Variants in TACC2 observed in about 807,000 individuals in gnomAD.
TACC2 encodes transforming acidic coiled-coil-containing protein 2.
Under a neutral mutation model 227.3 loss-of-function variants are expected in TACC2, and 137 were observed. That is an observed-to-expected ratio of 0.60 (90% CI 0.52 to 0.69). The LOEUF is 0.69. Ranked by LOEUF, TACC2 falls within the 30% of genes least tolerant of loss-of-function variation. The pLI is 0.00. For synonymous variants in TACC2, 1,523 were observed against 1,487.5 expected (o/e 1.02, Z -0.55); for missense variants, 3,470 against 3,694.4 (o/e 0.94, Z 1.57).
Position 122,087,397 on chromosome 10 carries a change from G to A in TACC2, c.4897G>A (p.Ala1633Thr), listed in dbSNP as rs1485324981. The change falls in exon 4 of 23, where the codon GCC (alanine) becomes ACC (threonine). Residue 1633 changes from alanine (A) to threonine (T), a missense_variant. Transcript: ENST00000369005. Reference sequence around the variant, plus strand: ...AGGACATGTGCCAAGGTCCACGTGTGCCCCTTCTCCTCAGAGGGAGGTTTT... The same window carrying A: ...AGGACATGTGCCAAGGTCCACGTGTACCCCTTCTCCTCAGAGGGAGGTTTT... ...VPGHVPRSTC[A>T]PSPQREVLTV... 6.2e-7 allele frequency: 1 copy of A among 1,614,024 alleles called. No individual in the cohort carries two copies. The highest frequency in any genetic ancestry group is 1.7e-5 in the Admixed American group (1 of 60,036).
Position 122,083,295 on chromosome 10 carries a change from C to G in TACC2, c.795C>G (p.Val265=). ...AGCAGGGCACAGAAAGCTCAGCGGT[C>G]TTGGAGAAGTCCCCCCTAAAACCCA... ...AAQQGTESSA[V]LEKSPLKPMA... The change falls in exon 4 of 23, where the codon GTC becomes GTG. Residue 265 remains valine, a synonymous_variant. Coordinates refer to ENST00000369005, the MANE Select transcript of TACC2 (RefSeq NM_206862.4). 1 of 1,613,966 alleles carries G rather than the reference C, an allele frequency of 6.2e-7. No homozygotes were observed. Among genetic ancestry groups the G allele is most frequent in the South Asian group, 1.1e-5 (1 of 91,072 alleles).
intron 7 of TACC2, chr10:122,163,626 C>A: frequency 9.7e-7 from 1 of 1,026,894 alleles, no homozygotes; most frequent in Non-Finnish European, 1.2e-6. Flanking sequence ...CGGACCACAC[C>A]GGCGCTCACG....
Position 122,243,887 on chromosome 10 carries a change from G to A in TACC2, c.8392+1886G>A, listed in dbSNP as rs369889849. Among the ~76,000 whole-genome samples, 14 of 152,296 alleles carry A rather than the reference G, an allele frequency of 9.2e-5. No individual in the cohort carries two copies. The East Asian group carries it at 1.9e-3, about 21-fold the overall frequency. ...AGGGTGTGAGCTTTTGCTCCTGAGA[G>A]AAAGCTACCCAAGCCATCTTTTATT... On this transcript the variant is annotated intron_variant, in intron 19 of 22. Transcript: ENST00000369005.
intron 9 of TACC2, among the ~76,000 whole-genome samples, chr10:122,211,957 A>G (rs1431751161): frequency 6.6e-6 from 1 of 152,180 alleles, no homozygotes; most frequent in Non-Finnish European, 1.5e-5. Flanking sequence ...TAATAAATCA[A>G]TGGGCTGGAG....
At chr10:122,066,081 T>C (rs1407670386) in intron 3 of TACC2, among the ~76,000 whole-genome samples, 2 of 151,718 alleles carry the variant, frequency 1.3e-5, no homozygotes, top group Non-Finnish European at 2.9e-5. Flanking sequence ...GTTTTATTAA[T>C]GCACTCTGAA....
At chr10:122,158,191 C>T (rs1451033358) in intron 7 of TACC2, among the ~76,000 whole-genome samples, 1 of 152,090 alleles carries the variant, frequency 6.6e-6, no homozygotes, top group Non-Finnish European at 1.5e-5. Context: ...AGTTCAAGAC[C>T]AGCCTGGGCA....
At chr10:122,152,887 A>T (rs2092185743) in intron 7 of TACC2, among the ~76,000 whole-genome samples, 1 of 152,236 alleles carries the variant, frequency 6.6e-6, no homozygotes, top group Non-Finnish European at 1.5e-5. Flanking sequence ...TCCCTGGAGC[A>T]TCACAGAGTG....
rs534941686 is a variant in TACC2, at chr10:122,226,441, T to C, written c.7684T>C (p.Ser2562Pro). ...DTSQESPVKS[S>P]PVRMSESPTP... Reference sequence around the variant, plus strand: ...TTCTCAGGAGAGCCCTGTCAAGTCATCTCCCGTCCGCATGTCAGAGTCCCC... The same window carrying C: ...TTCTCAGGAGAGCCCTGTCAAGTCACCTCCCGTCCGCATGTCAGAGTCCCC... Residue 2562 changes from serine to proline, a missense_variant, in exon 13 of 23, where the codon TCT (serine) becomes CCT (proline). This residue lies in a region of TACC2 where 345 missense variants were observed against 354.4 expected (regional missense o/e 0.97). Coordinates refer to ENST00000369005, the MANE Select transcript of TACC2 (RefSeq NM_206862.4). The C allele has an allele frequency of 3.1e-6, 5 of 1,613,988 alleles. No homozygotes were observed. The highest frequency in any genetic ancestry group is 4.5e-5 in the East Asian group (2 of 44,840).
chr10:122,117,346 A>G (rs1375771541), intron 5 of TACC2, among the ~76,000 whole-genome samples: 1 of 151,914 alleles, frequency 6.6e-6, no homozygotes, highest in Non-Finnish European at 1.5e-5. Flanking sequence ...GGTGTGCACC[A>G]CCATGCCCGG....
intron 16 of TACC2, among the ~76,000 whole-genome samples, chr10:122,232,228 A>G (rs981229621): frequency 6.6e-6 from 1 of 152,246 alleles, no homozygotes; most frequent in African/African-American, 2.4e-5. Context: ...ATTTCTAGAC[A>G]TCCTTGGGGC....
At chr10:122,217,449 T>C (rs1179213573) in intron 11 of TACC2, among the ~76,000 whole-genome samples, 4 of 145,746 alleles carry the variant, frequency 2.7e-5, no homozygotes, top group Non-Finnish European at 4.5e-5. Context: ...TTTTTTTTTT[T>C]TTTTTTTTTG....
intron 7 of TACC2, among the ~76,000 whole-genome samples, chr10:122,188,371 C>A (rs897714366): frequency 2.2e-4 from 33 of 152,102 alleles, no homozygotes; most frequent in Non-Finnish European, 4.4e-4. Context: ...CCTCTGCCTC[C>A]CGGGTTCAAA....
chr10:122,154,909 TC>T (rs896442799), intron 7 of TACC2, among the ~76,000 whole-genome samples: 19 of 152,222 alleles, frequency 1.2e-4, no homozygotes, highest in African/African-American at 4.1e-4. Flanking sequence ...TTCTGTTCCT[TC>T]ATGGAGGCTT....
chr10:122,068,179 C>CT (rs1428002248), intron 3 of TACC2, among the ~76,000 whole-genome samples: 1 of 152,058 alleles, frequency 6.6e-6, no homozygotes, highest in Non-Finnish European at 1.5e-5. Context: ...TGATTTGGGT[C>CT]TTTTTTACAT....
chr10:122,151,928 G>A (rs2092083076), intron 7 of TACC2, among the ~76,000 whole-genome samples: 5 of 152,220 alleles, frequency 3.3e-5, no homozygotes, highest in South Asian at 4.1e-4. Flanking sequence ...GTGACACTGC[G>A]GAGGTGACTA....
chr10:122,091,767 G>T (rs1179167197), intron 5 of TACC2, among the ~76,000 whole-genome samples: 4 of 152,218 alleles, frequency 2.6e-5, no homozygotes, highest in African/African-American at 4.8e-5. Flanking sequence ...GGAGGGGCAG[G>T]TGTTGCCTTT....
intron 7 of TACC2, among the ~76,000 whole-genome samples, chr10:122,181,068 C>G (rs1435641062): frequency 6.6e-6 from 1 of 150,544 alleles, no homozygotes; most frequent in Non-Finnish European, 1.5e-5. Flanking sequence ...TTAAGGCATC[C>G]TAGAGCCTAG....
chr10:122,086,865 T>C lies in TACC2; in HGVS notation c.4365T>C (p.Pro1455=). Residue 1455 remains proline (P), a synonymous_variant, in exon 4 of 23, where the codon CCT becomes CCC. Coordinates refer to ENST00000369005, the MANE Select transcript of TACC2 (RefSeq NM_206862.4). ...PLGPEKLLDG[P]PGVDVTLLPA... is the part of the protein sequence containing the mutation. ...GCCCAGAGAAGCTTCTAGATGGGCC[T>C]CCAGGAGTGGATGTCACCCTTCTCC... is the stretch of plus-strand genomic sequence containing the variant. The C allele has an allele frequency of 6.2e-7, 1 of 1,613,966 alleles. No homozygotes were observed. The highest frequency in any genetic ancestry group is 8.5e-7 in the Non-Finnish European group (1 of 1,180,002).
intron 19 of TACC2, among the ~76,000 whole-genome samples, chr10:122,244,643 A>T (rs765368379): frequency 3.3e-5 from 5 of 152,078 alleles, no homozygotes; most frequent in Non-Finnish European, 7.4e-5. Context: ...CCTGGGTTCC[A>T]TGCTTTTCTT....
Sources: allele counts gnomAD v4.1 joint callset (sites outside exome capture counted in the v4.1 genomes callset), GRCh38; gene constraint gnomAD v4.1.1; regional missense constraint gnomAD v4.1.1; transcripts MANE v1.5; gene names NCBI Gene and HGNC (gene_info 2026-07-23, HGNC 2026-07-21).